AMN1: variants seen among roughly 807,000 people sequenced by gnomAD.
AMN1 encodes protein AMN1 homolog.
A neutral mutation model predicts 33.0 loss-of-function variants in AMN1; 20 were observed. The ratio of observed to expected loss-of-function variants is 0.61; its 90% confidence interval spans 0.43 to 0.88. The LOEUF (loss-of-function observed/expected upper bound fraction) is 0.88. Among genes scored for constraint, AMN1 ranks in the 40% least tolerant of loss-of-function variants. The pLI is 0.00. For synonymous variants in AMN1, 114 were observed against 111.9 expected, an observed-to-expected ratio of 1.02 and a Z score of -0.12; for missense variants, 246 against 307.4, an observed-to-expected ratio of 0.80 and a Z score of 1.49.
chr12:31,672,351 A>G lies in AMN1; in HGVS notation c.730T>C (p.Leu244=), dbSNP rs11051524. 6.3e-7 allele frequency: 1 copy of G among 1,578,090 alleles called. No homozygotes were observed. Among genetic ancestry groups the G allele is most frequent in the Non-Finnish European group, 8.6e-7 (1 of 1,159,896 alleles). ...TDHSREVLEQ[L]VGPNKLKQVT... ...TGCTTTAGTTTGTTTGGGCCTACTA[A>G]TTGCTCCAACACTTCTCGGGAATGA... Residue 244 remains leucine, a synonymous_variant, in exon 7 of 7, where the codon TTA becomes CTA. Coordinates refer to ENST00000281471, the MANE Select transcript of AMN1 (RefSeq NM_001113402.2).
intron 6 of AMN1, chr12:31,673,490 G>T: frequency 4.5e-6 from 1 of 222,886 alleles, no homozygotes; most frequent in Non-Finnish European, 9.3e-6. Flanking sequence ...TATTGTAGAG[G>T]AAATCTCAAT....
At chr12:31,675,227 G>A (rs1364976293) in intron 6 of AMN1, among the ~76,000 whole-genome samples, 1 of 151,712 alleles carries the variant, frequency 6.6e-6, no homozygotes, top group Non-Finnish European at 1.5e-5. Flanking sequence ...AGACCAGCCT[G>A]GGAAATATAG....
At chr12:31,691,837 T>C (rs538839823) in intron 5 of AMN1, among the ~76,000 whole-genome samples, 2 of 152,278 alleles carry the variant, frequency 1.3e-5, no homozygotes, top group South Asian at 4.1e-4. Flanking sequence ...GGGAGAATAA[T>C]TGAGCGGGGC....
chr12:31,671,380 C>T lies in AMN1; in HGVS notation c.*924G>A, dbSNP rs971280869. 4.6e-5 allele frequency: 7 copies of T among 152,186 alleles called. No homozygotes were observed. Among genetic ancestry groups the T allele is most frequent in the African/African-American group, 1.2e-4 (5 of 41,440 alleles). The allele number at this position is 152,186 out of a possible 1,614,324, so 9.4% of individuals were successfully genotyped here. On this transcript the variant is annotated 3_prime_UTR_variant, in exon 7 of 7. Coordinates refer to ENST00000281471, the MANE Select transcript of AMN1 (RefSeq NM_001113402.2). ...AGCATACTTACCCCGTTTTTCACTACATCAGAGGCAAAATAAGAAATCTTT... is the reference window on the plus strand; with the variant it reads ...AGCATACTTACCCCGTTTTTCACTATATCAGAGGCAAAATAAGAAATCTTT...
chr12:31,674,020 T>C (rs1951335199), intron 6 of AMN1, among the ~76,000 whole-genome samples: 1 of 152,188 alleles, frequency 6.6e-6, no homozygotes, highest in Non-Finnish European at 1.5e-5. Flanking sequence ...TATCTTTTTT[T>C]TTTTTTGGAG....
chr12:31,709,073 G>A, intron 2 of AMN1: 1 of 594,444 alleles, frequency 1.7e-6, no homozygotes, highest in Non-Finnish European at 3.1e-6. Flanking sequence ...AACTACTCAG[G>A]AGGCTGAAGA....
intron 3 of AMN1, among the ~76,000 whole-genome samples, chr12:31,700,087 A>G (rs1470984985): frequency 2.0e-5 from 3 of 152,038 alleles, no homozygotes; most frequent in East Asian, 3.8e-4. Context: ...ACTGCAAAAT[A>G]TACTCAACTA....
intron 6 of AMN1, among the ~76,000 whole-genome samples, chr12:31,676,416 C>A (rs1224052058): frequency 1.1e-4 from 16 of 151,236 alleles, no homozygotes; most frequent in Admixed American, 1.1e-3. Flanking sequence ...TTGAGACTAG[C>A]CTGGGCAACA....
chr12:31,671,946 G>A lies in AMN1; in HGVS notation c.*358C>T, dbSNP rs951021729. ...AGGTTTATACTTACAGGTAAACTTAGAACAATAGCTCAAATACCTACATAG... is the reference window on the plus strand; with the variant it reads ...AGGTTTATACTTACAGGTAAACTTAAAACAATAGCTCAAATACCTACATAG... On this transcript the variant is annotated 3_prime_UTR_variant, in exon 7 of 7. Transcript: ENST00000281471. 3 of 171,272 alleles carry A rather than the reference G, an allele frequency of 1.8e-5. No individual in the cohort carries two copies. Among genetic ancestry groups the A allele is most frequent in the Non-Finnish European group, 2.5e-5 (2 of 80,020 alleles). 10.6% of individuals were successfully genotyped at this position (171,272 alleles called of 1,614,324 possible).
intron 1 of AMN1, among the ~76,000 whole-genome samples, chr12:31,713,037 A>G (rs1463242153): frequency 6.6e-6 from 1 of 152,108 alleles, no homozygotes; most frequent in African/African-American, 2.4e-5. Flanking sequence ...TTTCTTTTGG[A>G]TATTTACCCA....
At chr12:31,718,054 C>T (rs1401922700) in intron 1 of AMN1, among the ~76,000 whole-genome samples, 1 of 152,108 alleles carries the variant, frequency 6.6e-6, no homozygotes, top group African/African-American at 2.4e-5. Flanking sequence ...TCAGGTACAC[C>T]AATCAATCGT....
At chr12:31,699,025 G>A (rs1336082544) in intron 3 of AMN1, among the ~76,000 whole-genome samples, 1 of 152,094 alleles carries the variant, frequency 6.6e-6, no homozygotes, top group East Asian at 1.9e-4. Context: ...AGAACATTCA[G>A]CTCAGTCCAC....
chr12:31,728,555 C>T (rs1341498777), intron 1 of AMN1, among the ~76,000 whole-genome samples: 1 of 152,196 alleles, frequency 6.6e-6, no homozygotes, highest in Non-Finnish European at 1.5e-5. Flanking sequence ...CACTTTGTTA[C>T]CTTTATCCCA....
At chr12:31,677,629 T>C (rs1937791736) in intron 6 of AMN1, among the ~76,000 whole-genome samples, 1 of 152,164 alleles carries the variant, frequency 6.6e-6, no homozygotes. Flanking sequence ...CCCCAAAGTA[T>C]GGCACTTTGG....
intron 2 of AMN1, among the ~76,000 whole-genome samples, chr12:31,703,081 C>A (rs1353085335): frequency 6.6e-6 from 1 of 152,098 alleles, no homozygotes; most frequent in Non-Finnish European, 1.5e-5. Flanking sequence ...TTTCCACTGC[C>A]CACCACCCCA....
chr12:31,696,246 A>T (rs12423854), intron 5 of AMN1, among the ~76,000 whole-genome samples: 84 of 148,048 alleles, frequency 5.7e-4, no homozygotes, highest in South Asian at 3.2e-3. Context: ...CAAAATAAAT[A>T]AATAAATTAA....
Position 31,722,256 on chromosome 12 carries a change from G to T in AMN1, c.38+6715C>A, listed in dbSNP as rs74085201. ...CATTGTTCCAGTCTGTTCAACCAAC[G>T]CCAGTCACACTGATCAAAATGTGTT... On this transcript the variant is annotated intron_variant, in intron 1 of 6. Coordinates refer to ENST00000281471, the MANE Select transcript of AMN1 (RefSeq NM_001113402.2). 8.4e-3 allele frequency among the ~76,000 whole-genome samples: 1,272 copies of T among 151,920 alleles called. 18 individuals are homozygous for T. The highest frequency in any genetic ancestry group is 0.029 in the African/African-American group (1,200 of 41,364).
At chr12:31,717,023 C>A (rs957888179) in intron 1 of AMN1, among the ~76,000 whole-genome samples, 4 of 151,194 alleles carry the variant, frequency 2.6e-5, no homozygotes, top group African/African-American at 7.3e-5. Flanking sequence ...TTTTTTTTTA[C>A]ATTTTTATTT....
chr12:31,684,534 G>A (rs1033035439), intron 6 of AMN1, among the ~76,000 whole-genome samples: 2 of 150,138 alleles, frequency 1.3e-5, no homozygotes, highest in South Asian at 2.1e-4. Flanking sequence ...GCCGTTGTGC[G>A]ATCTTGGCTC....
Sources: gnomAD v4.1 joint callset for allele counts (sites outside exome capture counted in the v4.1 genomes callset) on GRCh38, gnomAD v4.1.1 for gene constraint, MANE v1.5 for transcripts, NCBI Gene and HGNC (gene_info 2026-07-23, HGNC 2026-07-21) for gene names.